The following PACRG variants were observed in gnomAD, a reference collection of about 807,000 sequenced individuals.
The protein encoded by PACRG is parkin coregulated, also known as parkin coregulated gene protein.
PACRG carries 29 observed loss-of-function variants against 29.7 expected under a neutral mutation model. That is an observed-to-expected ratio of 0.98 (90% confidence interval 0.73 to 1.33). PACRG has a LOEUF of 1.33. PACRG is among the 40% of genes most tolerant of loss of function. The pLI, the probability that PACRG is intolerant of heterozygous loss-of-function variation, is 0.00. For synonymous variants in PACRG, 116 were observed against 118.7 expected (o/e 0.98, Z 0.15); for missense variants, 279 against 316.2 (o/e 0.88, Z 0.89).
intron 2 of PACRG, among the ~76,000 whole-genome samples, chr6:162,991,999 A>G (rs1803471828): frequency 7.6e-6 from 1 of 132,236 alleles, no homozygotes; most frequent in South Asian, 2.4e-4. Context: ...TGAGATAATC[A>G]TGTGGTTTTT....
chr6:163,036,802 A>G (rs1482762673), intron 2 of PACRG, among the ~76,000 whole-genome samples: 1 of 152,062 alleles, frequency 6.6e-6, no homozygotes, highest in African/African-American at 2.4e-5. Flanking sequence ...CTAAAGAGCA[A>G]TTTATTTACT....
chr6:163,088,793 T>G (rs1285929007), intron 3 of PACRG, among the ~76,000 whole-genome samples: 1 of 152,208 alleles, frequency 6.6e-6, no homozygotes, highest in Admixed American at 6.5e-5. Context: ...AACCAGCCTA[T>G]AGATTTGAAC....
intron 2 of PACRG, among the ~76,000 whole-genome samples, chr6:162,996,885 C>A (rs1804113873): frequency 6.6e-6 from 1 of 152,040 alleles, no homozygotes; most frequent in South Asian, 2.1e-4. Flanking sequence ...GCTAAGTAAT[C>A]AGGGTTAAAA....
chr6:163,178,489 C>G (rs997597767), intron 4 of PACRG, among the ~76,000 whole-genome samples: 3 of 152,176 alleles, frequency 2.0e-5, no homozygotes, highest in Non-Finnish European at 4.4e-5. Context: ...GACACAGACA[C>G]ATGCAGGAAA....
At chr6:162,969,731 A>G (rs527759349) in intron 2 of PACRG, among the ~76,000 whole-genome samples, 1 of 152,284 alleles carries the variant, frequency 6.6e-6, no homozygotes, top group South Asian at 2.1e-4. Flanking sequence ...CTTAGGTCTC[A>G]GCTTAAATGT....
At chr6:162,950,454 G>C (rs1799565663) in intron 2 of PACRG, among the ~76,000 whole-genome samples, 1 of 152,178 alleles carries the variant, frequency 6.6e-6, no homozygotes. Context: ...CTTGCAGTGA[G>C]CCAAGATCAT....
intron 3 of PACRG, among the ~76,000 whole-genome samples, chr6:163,064,687 A>T (rs1165842925): frequency 6.6e-6 from 1 of 152,214 alleles, no homozygotes; most frequent in Non-Finnish European, 1.5e-5. Context: ...TTCTGAAAGG[A>T]GGCTAACAGG....
At chr6:162,953,235 G>T (rs891719444) in intron 2 of PACRG, among the ~76,000 whole-genome samples, 1 of 152,080 alleles carries the variant, frequency 6.6e-6, no homozygotes, top group African/African-American at 2.4e-5. Context: ...TTAAGGAGGA[G>T]TTCAAACAGA....
chr6:163,199,993 G>T (rs73784527), intron 4 of PACRG, among the ~76,000 whole-genome samples: 1 of 152,100 alleles, frequency 6.6e-6, no homozygotes, highest in African/African-American at 2.4e-5. Context: ...TGGCACTATA[G>T]TGTATTTATC....
intron 4 of PACRG, among the ~76,000 whole-genome samples, chr6:163,261,232 G>T (rs1205187182): frequency 6.6e-6 from 1 of 151,934 alleles, no homozygotes; most frequent in Non-Finnish European, 1.5e-5. Flanking sequence ...GCAGGCACTG[G>T]ATTTTCTTTT....
chr6:162,733,169 G>C (rs887672291), intron 1 of PACRG, among the ~76,000 whole-genome samples: 3 of 152,178 alleles, frequency 2.0e-5, no homozygotes, highest in African/African-American at 7.2e-5. Context: ...CTGTCAAGAA[G>C]CTTATATTTT....
intron 4 of PACRG, among the ~76,000 whole-genome samples, chr6:163,103,270 T>C (rs1233325365): frequency 6.6e-6 from 1 of 152,218 alleles, no homozygotes; most frequent in African/African-American, 2.4e-5. Context: ...GTTGCAGGAC[T>C]GAGGTCTCCA....
At chr6:162,910,903 G>A (rs1478123308) in intron 2 of PACRG, among the ~76,000 whole-genome samples, 1 of 151,984 alleles carries the variant, frequency 6.6e-6, no homozygotes, top group Non-Finnish European at 1.5e-5. Flanking sequence ...CTCACCTTCC[G>A]GCTCTCCACA....
At chr6:162,893,448 C>A (rs1173490211) in intron 2 of PACRG, among the ~76,000 whole-genome samples, 1 of 152,268 alleles carries the variant, frequency 6.6e-6, no homozygotes, top group East Asian at 1.9e-4. Context: ...CAGGAGGCTA[C>A]ATTGTAGTGA....
chr6:162,913,861 G>A (rs1434432913), intron 2 of PACRG, among the ~76,000 whole-genome samples: 1 of 151,960 alleles, frequency 6.6e-6, no homozygotes, highest in Non-Finnish European at 1.5e-5. Flanking sequence ...GTACTTTTTA[G>A]TGTGCTTATA....
chr6:163,269,894 CAAAG>C (rs1167434790), intron 4 of PACRG, among the ~76,000 whole-genome samples: 1,558 of 18,716 alleles, frequency 0.083, 346 homozygotes, highest in South Asian at 0.19. Context: ...AGAAAGAAAA[CAAAG>C]AAAGAAAGAA....
chr6:162,874,647 C>T lies in PACRG; in HGVS notation c.291+60366C>T, dbSNP rs575014354. ...CCAATGTGGCGATTAGATTTTATCA[C>T]ATCAGTGTGGGGGGAGGCCAGTCAG... On this transcript the variant is annotated intron_variant, in intron 2 of 4. Transcript: ENST00000366888. Among the ~76,000 whole-genome samples, 11 of 152,302 alleles carry T rather than the reference C, an allele frequency of 7.2e-5. 1 individual carries two copies. The South Asian group carries it at 8.3e-4, about 11-fold the overall frequency.
chr6:163,131,704 T>C (rs1816748900), intron 4 of PACRG, among the ~76,000 whole-genome samples: 2 of 152,110 alleles, frequency 1.3e-5, no homozygotes, highest in African/African-American at 2.4e-5. Flanking sequence ...GGAGCGATCC[T>C]ACCTCCCTCA....
intron 4 of PACRG, among the ~76,000 whole-genome samples, chr6:163,296,063 G>T (rs888846909): frequency 1.3e-5 from 2 of 152,146 alleles, no homozygotes; most frequent in African/African-American, 4.8e-5. Flanking sequence ...CAGCCCCTGG[G>T]GGGTGTTAGG....
Sources: gnomAD v4.1 joint callset for allele counts (sites outside exome capture counted in the v4.1 genomes callset) on GRCh38, gnomAD v4.1.1 for gene constraint, MANE v1.5 for transcripts, NCBI Gene and HGNC (gene_info 2026-07-23, HGNC 2026-07-21) for gene names.